GALNT16: variants seen among roughly 807,000 people sequenced by gnomAD.
GALNT16 encodes the protein UDP-GalNAc:polypeptide N-acetylgalactosaminyltransferase-like protein 1.
A neutral mutation model predicts 76.1 loss-of-function variants in GALNT16; 40 were observed. That is an observed-to-expected ratio of 0.53 (90% CI 0.41 to 0.68). The LOEUF is 0.68. Among genes scored for constraint, GALNT16 ranks in the 30% least tolerant of loss-of-function variants. The pLI is 0.00. For synonymous variants in GALNT16, 276 were observed against 285.2 expected (o/e 0.97, Z 0.32); for missense variants, 621 against 731.9 (o/e 0.85, Z 1.75).
At chr14:69,358,821 G>A (rs1255380325), downstream of GALNT16, 5 of 152,404 alleles carry the variant, frequency 3.3e-5, no homozygotes, top group Admixed American at 6.5e-5. Context: ...TCCAATGCCT[G>A]ATGGCAGACA....
In GALNT16 at chr14:69,333,511, C is replaced by A; in HGVS notation, c.878C>A (p.Ala293Asp). Reference protein sequence around the residue: ...PTRPIRTPVIAGGIFVIDKSW... With the variant: ...PTRPIRTPVIDGGIFVIDKSW... ...CTTGCTCCCAGGACGCCTGTCATAG[C>A]TGGAGGAATCTTCGTGATCGACAAG... Residue 293 changes from alanine to aspartate, a missense_variant, in exon 9 of 15, where the codon GCT becomes GAT. Physicochemically the swap from Ala to Asp is moderately radical, Grantham distance 126. Transcript: ENST00000448469. The surrounding 1 kb of genome is among the most constrained non-coding windows in gnomAD (Gnocchi z 4.2). 1.9e-6 allele frequency: 3 copies of A among 1,609,028 alleles called. No individual in the cohort carries two copies. The highest frequency in any genetic ancestry group is 2.6e-6 in the Non-Finnish European group (3 of 1,175,858).
At chr14:69,270,248 C>G (rs932852164) in intron 1 of GALNT16, among the ~76,000 whole-genome samples, 1 of 152,132 alleles carries the variant, frequency 6.6e-6, no homozygotes, top group Non-Finnish European at 1.5e-5. Flanking sequence ...GGGCACTGCG[C>G]AGCTGTTTCT....
rs1333250792 is a variant in GALNT16 at position 69,328,374 on chromosome 14, C to T, written c.569-76C>T. 25 of 1,497,002 alleles carry T rather than the reference C, an allele frequency of 1.7e-5. No individual in the cohort carries two copies. The Admixed American group carries it at 3.6e-4, about 22-fold the overall frequency. 92.7% of individuals were successfully genotyped at this position (1,497,002 alleles called of 1,614,324 possible). ...CCTCAGCCCCTGAAGGAGAGGAGAG[C>T]CTTGGGACTTTGGGGGACAGGTGGG... On this transcript the variant is annotated intron_variant, in intron 5 of 14. Transcript: ENST00000448469.
intron 1 of GALNT16, among the ~76,000 whole-genome samples, chr14:69,304,806 T>C (rs991787343): frequency 6.6e-6 from 1 of 152,242 alleles, no homozygotes; most frequent in Non-Finnish European, 1.5e-5. Flanking sequence ...AGGATTTCCT[T>C]CTTTCTCAAG....
intron 1 of GALNT16, among the ~76,000 whole-genome samples, chr14:69,271,951 G>C (rs1044573046): frequency 1.3e-5 from 2 of 152,108 alleles, no homozygotes; most frequent in African/African-American, 2.4e-5. Flanking sequence ...AGTTAATTTC[G>C]TCTGTTTCTT....
At chr14:69,278,711 C>T (rs1196747230) in intron 1 of GALNT16, among the ~76,000 whole-genome samples, 3 of 152,162 alleles carry the variant, frequency 2.0e-5, no homozygotes, top group Non-Finnish European at 4.4e-5. Flanking sequence ...TTCGTATGGT[C>T]TAACCAAATG....
At chr14:69,285,608 A>G (rs937495423) in intron 1 of GALNT16, among the ~76,000 whole-genome samples, 2 of 152,190 alleles carry the variant, frequency 1.3e-5, no homozygotes, top group African/African-American at 4.8e-5. Context: ...TGCACAATGT[A>G]CCATCGTCTA....
intron 9 of GALNT16, among the ~76,000 whole-genome samples, chr14:69,337,780 C>T (rs1035596569): frequency 3.9e-5 from 6 of 152,160 alleles, no homozygotes; most frequent in African/African-American, 1.2e-4. Context: ...CTGCTTCCTC[C>T]ACTCTGCCCT....
upstream of GALNT16, chr14:69,260,106 G>C (rs2044240284): frequency 4.2e-5 from 22 of 522,022 alleles, no homozygotes; most frequent in Admixed American, 6.6e-4. Context: ...GGACCGTGAG[G>C]ATCGCTCCGC....
chr14:69,281,126 C>T (rs1183650026), intron 1 of GALNT16, among the ~76,000 whole-genome samples: 5 of 151,978 alleles, frequency 3.3e-5, no homozygotes, highest in Non-Finnish European at 5.9e-5. Flanking sequence ...ACAGAGTCCG[C>T]GATCGTACTT....
chr14:69,322,158 A>T (rs1370681359), intron 2 of GALNT16, among the ~76,000 whole-genome samples: 3 of 152,258 alleles, frequency 2.0e-5, no homozygotes, highest in Non-Finnish European at 4.4e-5. Context: ...GTCAGCCTCC[A>T]GAAACCACTC....
the GALNT16 span, among the ~76,000 whole-genome samples, chr14:69,367,914 G>A: frequency 5.3e-5 from 8 of 152,224 alleles, no homozygotes; most frequent in East Asian, 1.9e-4. Flanking sequence ...GATCGCTTGA[G>A]CCCAGGAGTT....
At chr14:69,324,574 GGT>G (rs748742232) in intron 2 of GALNT16, 116 bp from the exon 3 acceptor site, 8 of 553,970 alleles carry the variant, frequency 1.4e-5, no homozygotes, top group Non-Finnish European at 2.5e-5. Flanking sequence ...CCTGGCTGTT[GGT>G]GTGCCTTCTC....
chr14:69,372,624 T>G, the GALNT16 span, among the ~76,000 whole-genome samples: 2 of 151,136 alleles, frequency 1.3e-5, no homozygotes, highest in African/African-American at 2.4e-5. Flanking sequence ...GCCTCCCGAG[T>G]AGCTGGGATT....
Position 69,261,314 on chromosome 14 carries a change from T to G in GALNT16, c.177+847T>G, listed in dbSNP as rs1479549388. 6.6e-6 allele frequency among the ~76,000 whole-genome samples: 1 copy of G among 152,002 alleles called. No individual in the cohort carries two copies. The highest frequency in any genetic ancestry group is 1.5e-5 in the Non-Finnish European group (1 of 67,972). On this transcript the variant is annotated intron_variant, in intron 1 of 14. Coordinates refer to ENST00000448469, the MANE Select transcript of GALNT16 (RefSeq NM_001168368.2). The surrounding 1 kb of genome is among the most constrained non-coding windows in gnomAD (Gnocchi z 6.4). ...TGCAGGGGGCGATCCTGTCGCCGTC[T>G]CCGTCCGAGCCCCAGGTGACAGAGC... is the stretch of plus-strand genomic sequence containing the variant.
intron 1 of GALNT16, among the ~76,000 whole-genome samples, chr14:69,279,719 C>T (rs1311073342): frequency 6.6e-6 from 1 of 152,208 alleles, no homozygotes; most frequent in Non-Finnish European, 1.5e-5. Flanking sequence ...TGAGCGTGTG[C>T]TTGGTGGACA....
At chr14:69,263,591 C>A in intron 1 of GALNT16, among the ~76,000 whole-genome samples, 1 of 152,312 alleles carries the variant, frequency 6.6e-6, no homozygotes, top group Middle Eastern at 3.4e-3. Context: ...TCTGCAGAAG[C>A]GCCTGGACCT....
chr14:69,289,856 C>T (rs1321496269), intron 1 of GALNT16, among the ~76,000 whole-genome samples: 1 of 152,102 alleles, frequency 6.6e-6, no homozygotes, highest in Non-Finnish European at 1.5e-5. Flanking sequence ...GCCTCAACTT[C>T]CCGAATAGCT....
At chr14:69,280,835 G>A (rs1323571331) in intron 1 of GALNT16, among the ~76,000 whole-genome samples, 6 of 152,100 alleles carry the variant, frequency 3.9e-5, no homozygotes, top group Non-Finnish European at 7.4e-5. Flanking sequence ...CCTCCAGGTT[G>A]TATAGCTCCC....
Sources: allele counts gnomAD v4.1 joint callset (sites outside exome capture counted in the v4.1 genomes callset), GRCh38; gene constraint gnomAD v4.1.1; non-coding constraint Gnocchi (gnomAD v3.1); transcripts MANE v1.5; gene names NCBI Gene and HGNC (gene_info 2026-07-23, HGNC 2026-07-21).